Variants in BCL7B observed in about 807,000 individuals in gnomAD.
The protein encoded by BCL7B is BAF chromatin remodeling complex subunit BCL7B, also known as B-cell CLL/lymphoma 7 protein family member B.
A neutral mutation model predicts 26.5 loss-of-function variants in BCL7B; 11 were observed. The ratio of observed to expected loss-of-function variants is 0.42; its 90% confidence interval spans 0.26 to 0.69. The LOEUF (loss-of-function observed/expected upper bound fraction) is 0.69, where lower values mean the gene tolerates loss of function less well. BCL7B is among the 30% of genes least tolerant of loss of function. BCL7B has a pLI of 0.28. For synonymous variants in BCL7B, 111 were observed against 107.9 expected, an observed-to-expected ratio of 1.03 and a Z score of -0.18; for missense variants, 215 against 264.4, an observed-to-expected ratio of 0.81 and a Z score of 1.30.
At chr7:73,537,455 C>A in intron 5 of BCL7B, 65 bp from the exon 6 acceptor site, 1 of 1,243,696 alleles carries the variant, frequency 8.0e-7, no homozygotes, top group Non-Finnish European at 1.2e-6. Context: ...CCCACCCACC[C>A]GAATTATAAT....
intron 3 of BCL7B, among the ~76,000 whole-genome samples, chr7:73,541,167 A>T (rs1268570557): frequency 5.3e-5 from 8 of 151,452 alleles, no homozygotes; most frequent in African/African-American, 2.4e-5. Context: ...AATTAAAATT[A>T]AAAAAAAAGA....
chr7:73,557,414 G>C, intron 1 of BCL7B, 73 bp downstream of exon 1: 3 of 1,200,444 alleles, frequency 2.5e-6, no homozygotes, highest in Non-Finnish European at 3.2e-6. Flanking sequence ...GCTCCCACCT[G>C]ACCCGCCAGT....
Position 73,543,602 on chromosome 7 carries a change from T to C in BCL7B, c.211A>G (p.Asn71Asp), listed in dbSNP as rs782445547. 6.2e-6 allele frequency: 10 copies of C among 1,613,688 alleles called. No individual in the cohort carries two copies. Among genetic ancestry groups the C allele is most frequent in the Non-Finnish European group, 6.8e-6 (8 of 1,179,930 alleles). The change falls in exon 3 of 6, where the codon AAT becomes GAT. Residue 71 changes from asparagine (N) to aspartate (D), a missense_variant. Asn to Asp is a conservative substitution (Grantham distance 23). Transcript: ENST00000223368. Reference sequence around the variant, plus strand: ...GCTGAGGCATCAGAAGGAAAGCCATTAGGTTCTCGGGCTGCTGAACTGTTC... The same window carrying C: ...GCTGAGGCATCAGAAGGAAAGCCATCAGGTTCTCGGGCTGCTGAACTGTTC... Reference protein sequence around the residue: ...KSNSSAAREPNGFPSDASANS... With the variant: ...KSNSSAAREPDGFPSDASANS...
chr7:73,539,053 G>C (rs1478450918), intron 4 of BCL7B, among the ~76,000 whole-genome samples: 1 of 152,060 alleles, frequency 6.6e-6, no homozygotes. Flanking sequence ...TCTGCCTCCT[G>C]GGTTTAAGTG....
At chr7:73,548,432 AAACAAAACAAAATAAGGAAAC>A (rs558623875) in intron 2 of BCL7B, among the ~76,000 whole-genome samples, 4 of 152,050 alleles carry the variant, frequency 2.6e-5, no homozygotes, top group Non-Finnish European at 4.4e-5. Flanking sequence ...TGTCTCGAAA[AAACAAAACAAAATAAGGAAAC>A]AACAACAACA....
intron 2 of BCL7B, among the ~76,000 whole-genome samples, chr7:73,549,598 C>T (rs1426948342): frequency 6.6e-6 from 1 of 152,112 alleles, no homozygotes; most frequent in African/African-American, 2.4e-5. Context: ...CATTTGATCC[C>T]AGGAATTTGA....
chr7:73,541,809 C>A (rs1265314320), intron 3 of BCL7B, among the ~76,000 whole-genome samples: 1 of 152,158 alleles, frequency 6.6e-6, no homozygotes, highest in Non-Finnish European at 1.5e-5. Context: ...GGCCTTATCG[C>A]AACATAGGAA....
chr7:73,545,404 G>A (rs1554583384), intron 2 of BCL7B, among the ~76,000 whole-genome samples: 1 of 151,928 alleles, frequency 6.6e-6, no homozygotes, highest in African/African-American at 2.4e-5. Context: ...TAGTAGAGAT[G>A]GGGTTTCACC....
intron 3 of BCL7B, among the ~76,000 whole-genome samples, chr7:73,543,194 T>C (rs112691938): frequency 6.6e-6 from 1 of 151,912 alleles, no homozygotes; most frequent in Non-Finnish European, 1.5e-5. Flanking sequence ...TTTTTTTTTT[T>C]GAGACGGAGT....
intron 2 of BCL7B, among the ~76,000 whole-genome samples, chr7:73,547,219 T>C (rs1181009494): frequency 6.6e-6 from 1 of 151,858 alleles, no homozygotes; most frequent in African/African-American, 2.4e-5. Flanking sequence ...TCCCAGCACT[T>C]TGGGAGGCCA....
chr7:73,538,552 A>C (rs1031469884), intron 4 of BCL7B, among the ~76,000 whole-genome samples: 2 of 152,062 alleles, frequency 1.3e-5, no homozygotes, highest in African/African-American at 4.8e-5. Context: ...GGTGGCTCAC[A>C]CCTATAATCC....
intron 2 of BCL7B, among the ~76,000 whole-genome samples, chr7:73,548,156 G>A (rs1490698293): frequency 2.0e-5 from 3 of 151,906 alleles, no homozygotes; most frequent in South Asian, 2.1e-4. Context: ...GAGCCTGGGC[G>A]CAGTGGCTCA....
chr7:73,539,820 C>T (rs1791685766), intron 4 of BCL7B, 62 bp downstream of exon 4: 1 of 1,577,686 alleles, frequency 6.3e-7, no homozygotes, highest in East Asian at 2.2e-5. Context: ...AAAGACGAGA[C>T]ACAACAAGAG....
At chr7:73,544,350 T>C (rs1234345579) in intron 2 of BCL7B, among the ~76,000 whole-genome samples, 2 of 146,328 alleles carry the variant, frequency 1.4e-5, no homozygotes, top group Admixed American at 6.8e-5. Flanking sequence ...GAGGTGGAGG[T>C]TGCAGTGAAC....
chr7:73,557,185 C>G, intron 1 of BCL7B: 1 of 1,029,624 alleles, frequency 9.7e-7, no homozygotes, highest in Non-Finnish European at 1.2e-6. Context: ...CGGGCTGGGC[C>G]GGGCGCGGGC....
chr7:73,550,770 G>T (rs1240904852), intron 2 of BCL7B, among the ~76,000 whole-genome samples: 1 of 151,232 alleles, frequency 6.6e-6, no homozygotes, highest in Non-Finnish European at 1.5e-5. Context: ...CCATTCTCCT[G>T]CCTCAGCCTC....
rs367675475 is a variant in BCL7B, at chr7:73,543,179, CT to C, written c.265+368del. Among the ~76,000 whole-genome samples the C allele has an allele frequency of 3.4e-3, 483 of 141,926 alleles. 2 individuals are homozygous for C. Among genetic ancestry groups the C allele is most frequent in the African/African-American group, 5.0e-3 (193 of 38,976 alleles). The allele number at this position is 141,926 out of a possible 152,430, so 93.1% of individuals were successfully genotyped here. On this transcript the variant is annotated intron_variant, in intron 3 of 5. Transcript: ENST00000223368. The stretch of plus-strand genomic sequence containing the variant: ...AGGCACTGAATTGATACACAGAATT[CT>C]TTTTTTTTTTTTTTGAGACGGAGTC...
intron 3 of BCL7B, among the ~76,000 whole-genome samples, chr7:73,540,829 CA>C (rs56111929): frequency 2.7e-4 from 14 of 50,938 alleles, no homozygotes; most frequent in African/African-American, 1.1e-3. Context: ...GACTCTGTCT[CA>C]AAAAAAAAAA....
At chr7:73,557,331 A>T in intron 1 of BCL7B, 156 bp downstream of exon 1, 1 of 1,175,150 alleles carries the variant, frequency 8.5e-7, no homozygotes, top group South Asian at 4.3e-5. Context: ...GCGCCCTCTG[A>T]CCTCACGCCG....
Sources: gnomAD v4.1 joint callset for allele counts (sites outside exome capture counted in the v4.1 genomes callset) on GRCh38, gnomAD v4.1.1 for gene constraint, MANE v1.5 for transcripts, NCBI Gene and HGNC (gene_info 2026-07-23, HGNC 2026-07-21) for gene names.